MYO1B: variants seen among roughly 807,000 people sequenced by gnomAD.
The protein encoded by MYO1B is unconventional myosin-Ib.
In MYO1B, 72 loss-of-function variants were observed where a neutral mutation model predicts 159.7. The observed-to-expected ratio is 0.45, with a 90% confidence interval of 0.37 to 0.55. The LOEUF (loss-of-function observed/expected upper bound fraction) is 0.55. Among genes scored for constraint, MYO1B ranks in the 20% least tolerant of loss-of-function variants. The pLI is 0.00. For synonymous variants in MYO1B, 468 were observed against 473.8 expected (o/e 0.99, Z 0.16); for missense variants, 1,062 against 1,364.8 (o/e 0.78, Z 3.50).
intron 13 of MYO1B, among the ~76,000 whole-genome samples, chr2:191,371,680 C>G (rs1443915800): frequency 1.3e-5 from 2 of 152,156 alleles, no homozygotes; most frequent in Admixed American, 6.5e-5. Context: ...CCTCACCTTT[C>G]TTCCCAAAGT....
intron 4 of MYO1B, among the ~76,000 whole-genome samples, chr2:191,338,205 T>TAAA (rs1199439036): frequency 6.6e-6 from 1 of 152,068 alleles, no homozygotes; most frequent in Middle Eastern, 3.2e-3. Context: ...GAGAAAATAC[T>TAAA]AATACCAGCT....
At chr2:191,316,857 T>A (rs1171168531) in intron 3 of MYO1B, among the ~76,000 whole-genome samples, 1 of 152,206 alleles carries the variant, frequency 6.6e-6, no homozygotes, top group Non-Finnish European at 1.5e-5. Context: ...TCACTGTAGC[T>A]TTTCTAGGCA....
chr2:191,290,986 C>T (rs1233341040), intron 2 of MYO1B, among the ~76,000 whole-genome samples: 1 of 152,180 alleles, frequency 6.6e-6, no homozygotes, highest in Non-Finnish European at 1.5e-5. Flanking sequence ...AACCCTGGTT[C>T]CACATTAGTT....
At chr2:191,246,994 A>C (rs1685830853) in intron 1 of MYO1B, among the ~76,000 whole-genome samples, 1 of 152,160 alleles carries the variant, frequency 6.6e-6, no homozygotes, top group Non-Finnish European at 1.5e-5. Flanking sequence ...CCTTTCCTAG[A>C]TTGGAATCGA....
At chr2:191,282,538 A>G (rs1351211614) in intron 2 of MYO1B, among the ~76,000 whole-genome samples, 1 of 152,256 alleles carries the variant, frequency 6.6e-6, no homozygotes, top group Non-Finnish European at 1.5e-5. Flanking sequence ...AAAAATTTCA[A>G]ATAGTACAGC....
At chr2:191,337,482 A>G (rs1362646011) in intron 4 of MYO1B, among the ~76,000 whole-genome samples, 1 of 152,178 alleles carries the variant, frequency 6.6e-6, no homozygotes, top group Non-Finnish European at 1.5e-5. Context: ...ATTCTGATCC[A>G]GAAGTATTTT....
At chr2:191,383,924 C>T (rs747309111) in intron 15 of MYO1B, among the ~76,000 whole-genome samples, 2 of 151,744 alleles carry the variant, frequency 1.3e-5, no homozygotes, top group African/African-American at 2.4e-5. Flanking sequence ...AAGGGACAAC[C>T]TCTGGAGCTG....
chr2:191,303,905 C>T (rs975098583), intron 3 of MYO1B, among the ~76,000 whole-genome samples: 5 of 152,132 alleles, frequency 3.3e-5, no homozygotes, highest in East Asian at 1.9e-4. Flanking sequence ...ATAAACATCT[C>T]GTGTGTAATG....
At chr2:191,249,617 C>T (rs1034358131) in intron 1 of MYO1B, among the ~76,000 whole-genome samples, 4 of 152,238 alleles carry the variant, frequency 2.6e-5, no homozygotes, top group African/African-American at 9.6e-5. Context: ...GAGTTTAACA[C>T]TTGGCATCAT....
chr2:191,361,031 A>T (rs1226725866), intron 8 of MYO1B, among the ~76,000 whole-genome samples: 1 of 152,142 alleles, frequency 6.6e-6, no homozygotes, highest in Non-Finnish European at 1.5e-5. Context: ...AGTGAAGAAC[A>T]TGGTGTATTT....
At chr2:191,317,990 A>T (rs1327734842) in intron 3 of MYO1B, among the ~76,000 whole-genome samples, 1 of 152,192 alleles carries the variant, frequency 6.6e-6, no homozygotes, top group African/African-American at 2.4e-5. Context: ...AGAAAAGGTG[A>T]TGTTAGGATT....
intron 26 of MYO1B, among the ~76,000 whole-genome samples, 187 bp from the exon 27 acceptor site, chr2:191,410,879 C>G (rs1028437597): frequency 4.6e-5 from 7 of 152,184 alleles, no homozygotes; most frequent in Non-Finnish European, 1.0e-4. Flanking sequence ...ACAAATAATA[C>G]TCTGACGTTT....
At chr2:191,333,468 C>T (rs1691623595) in intron 4 of MYO1B, among the ~76,000 whole-genome samples, 1 of 152,102 alleles carries the variant, frequency 6.6e-6, no homozygotes, top group Admixed American at 6.6e-5. Context: ...CCTGTATTTC[C>T]CATATCAAAT....
At chr2:191,370,442 CCAA>C in intron 13 of MYO1B, 150 bp downstream of exon 13, 1 of 631,574 alleles carries the variant, frequency 1.6e-6, no homozygotes, top group Admixed American at 3.1e-5. Context: ...TTTGAATCTG[CCAA>C]CAAATCTTTG....
rs1369582114 is a variant in MYO1B at position 191,400,481 on chromosome 2, C to T, written c.2382+13C>T. ...GCATGGGACCCAGGTAGGCCCGAGA[C>T]CCCAAGGAAGGCGGTGGGTCAGCAG... On this transcript the variant is annotated intron_variant, in intron 22 of 30. Transcript: ENST00000392318. 6.2e-7 allele frequency: 1 copy of T among 1,613,948 alleles called. No homozygotes were observed. The highest frequency in any genetic ancestry group is 2.2e-5 in the East Asian group (1 of 44,882).
At chr2:191,379,176 T>A (rs1694899946) in intron 13 of MYO1B, 1 of 152,666 alleles carries the variant, frequency 6.6e-6, no homozygotes, top group African/African-American at 2.4e-5. Flanking sequence ...TTTGTAACCA[T>A]GAATAACTAT....
chr2:191,330,113 G>A, intron 4 of MYO1B, 84 bp downstream of exon 4: 1 of 1,186,958 alleles, frequency 8.4e-7, no homozygotes, highest in Non-Finnish European at 1.2e-6. Context: ...GGCCTCCTTA[G>A]CAAGATCTGT....
intron 4 of MYO1B, among the ~76,000 whole-genome samples, chr2:191,333,793 C>T (rs1691646544): frequency 6.6e-6 from 1 of 152,162 alleles, no homozygotes; most frequent in South Asian, 2.1e-4. Flanking sequence ...GTTTTTACCC[C>T]TTCCATGTCA....
At chr2:191,339,196 A>G (rs752948222) in intron 4 of MYO1B, among the ~76,000 whole-genome samples, 11 of 152,128 alleles carry the variant, frequency 7.2e-5, no homozygotes, top group South Asian at 4.1e-4. Context: ...GGAACCTGCT[A>G]GGAGGGCAGC....
Sources: allele counts gnomAD v4.1 joint callset (sites outside exome capture counted in the v4.1 genomes callset), GRCh38; gene constraint gnomAD v4.1.1; transcripts MANE v1.5; gene names NCBI Gene and HGNC (gene_info 2026-07-23, HGNC 2026-07-21).